Variants in ELL observed in about 807,000 individuals in gnomAD.
The protein encoded by ELL is elongation factor for RNA polymerase II, also known as RNA polymerase II elongation factor ELL.
A neutral mutation model predicts 64.0 loss-of-function variants in ELL; 18 were observed. That is an observed-to-expected ratio of 0.28 (90% confidence interval 0.19 to 0.42). The LOEUF is 0.42. Ranked by LOEUF, ELL falls within the 10% of genes least tolerant of loss-of-function variation. The pLI is 1.00. For missense variants in ELL, 797 were observed against 870.4 expected (o/e 0.92, Z 1.06); for synonymous variants, 399 against 376.2 (o/e 1.06, Z -0.70).
chr19:18,467,933 A>C (rs192659282), intron 2 of ELL, among the ~76,000 whole-genome samples: 229 of 136,346 alleles, frequency 1.7e-3, no homozygotes, highest in African/African-American at 6.0e-3. Context: ...CCATACACAC[A>C]CAATACCCAA....
At position 18,465,567 on chromosome 19, in the gene ELL, TC is replaced by T; in HGVS notation, c.313del (p.Glu105LysfsTer92). The T allele has an allele frequency of 1.3e-6, 2 of 1,590,696 alleles. No individual in the cohort carries two copies. The highest frequency in any genetic ancestry group is 2.3e-5 in the East Asian group (1 of 43,948). On this transcript the variant is annotated frameshift_variant, in exon 4 of 12. Coordinates refer to ENST00000262809, the MANE Select transcript of ELL (RefSeq NM_006532.4). LOFTEE classifies it high-confidence loss of function. The part of the protein sequence containing the change: ...CIQQYVSSHG[E>X]VHLDCLGSIQ... Reference sequence around the variant, plus strand: ...GCTGCCCAGGCAGTCCAGGTGAACTTCCCCATGACTGCAAGACAAGGCCAGG... The same window carrying T: ...GCTGCCCAGGCAGTCCAGGTGAACTTCCCATGACTGCAAGACAAGGCCAGG...
chr19:18,451,102 C>A, intron 7 of ELL, 127 bp from the exon 8 acceptor site: 2 of 1,313,332 alleles, frequency 1.5e-6, no homozygotes, highest in South Asian at 1.9e-5. Flanking sequence ...TGGGGGCGCC[C>A]GAGCACCAAG....
At chr19:18,473,264 G>C (rs764148200) in intron 1 of ELL, 1 of 517,820 alleles carries the variant, frequency 1.9e-6, no homozygotes, top group South Asian at 1.5e-5. Context: ...AGCCCTGCCA[G>C]GAAAAAGCAA....
rs566965948 is a variant in ELL at position 18,445,155 on chromosome 19, C to T, written c.1749+69G>A. The stretch of plus-strand genomic sequence containing the variant: ...GAAGTAGCGGGCAGGGAGGCTGCCC[C>T]GGGCCCACCCTCCTCCCTCCAGCTC... On this transcript the variant is annotated intron_variant, in intron 11 of 11. Coordinates refer to ENST00000262809, the MANE Select transcript of ELL (RefSeq NM_006532.4). The T allele has an allele frequency of 2.5e-5, 40 of 1,596,716 alleles. 1 individual carries two copies. The highest frequency in any genetic ancestry group is 2.3e-4 in the South Asian group (21 of 90,684).
intron 1 of ELL, among the ~76,000 whole-genome samples, chr19:18,521,679 G>A (rs927477783): frequency 4.2e-5 from 6 of 141,768 alleles, no homozygotes; most frequent in Non-Finnish European, 7.4e-5. Context: ...CCCGGCGCGC[G>A]AGTCTGGGCC....
chr19:18,479,557 A>C (rs1467264912), intron 1 of ELL, among the ~76,000 whole-genome samples: 1 of 151,744 alleles, frequency 6.6e-6, no homozygotes, highest in Non-Finnish European at 1.5e-5. Flanking sequence ...AAAAATACAA[A>C]AATTAGCCAG....
At position 18,459,137 on chromosome 19, in the gene ELL, C is replaced by T. The variant is rs536884665; in HGVS notation, c.745-808G>A. 2.6e-5 allele frequency among the ~76,000 whole-genome samples: 4 copies of T among 152,332 alleles called. No homozygotes were observed. The East Asian group carries it at 7.7e-4, about 29-fold the overall frequency. On this transcript the variant is annotated intron_variant, in intron 5 of 11. Transcript: ENST00000262809. ...TCAAGGATCCTCCCACCTCAGCCTC[C>T]CAAAGTGCTGGAAACAGGCGTGAGC...
intron 1 of ELL, among the ~76,000 whole-genome samples, chr19:18,509,605 A>G (rs1313421878): frequency 0.18 from 5,443 of 30,236 alleles, 323 homozygotes; most frequent in African/African-American, 0.45. Flanking sequence ...ACATACACAC[A>G]CACACACACA....
At chr19:18,494,685 ACC>A (rs936516086) in intron 1 of ELL, among the ~76,000 whole-genome samples, 16 of 152,078 alleles carry the variant, frequency 1.1e-4, no homozygotes, top group Admixed American at 3.3e-4. Flanking sequence ...GAGCCACCGC[ACC>A]AGGCCAGAAG....
intron 1 of ELL, among the ~76,000 whole-genome samples, chr19:18,499,956 ATT>A (rs1224479838): frequency 6.6e-6 from 1 of 152,184 alleles, no homozygotes; most frequent in African/African-American, 2.4e-5. Context: ...GAGCAAACCC[ATT>A]AAGTGCTTAA....
At chr19:18,491,208 A>C (rs1975524901) in intron 1 of ELL, among the ~76,000 whole-genome samples, 1 of 141,436 alleles carries the variant, frequency 7.1e-6, no homozygotes, top group Admixed American at 7.7e-5. Context: ...TCAGCCTCCC[A>C]AGTAGCTGGG....
At chr19:18,518,328 C>T (rs901705454) in intron 1 of ELL, among the ~76,000 whole-genome samples, 2 of 151,312 alleles carry the variant, frequency 1.3e-5, no homozygotes, top group South Asian at 4.2e-4. Flanking sequence ...AGTGAGACCC[C>T]GTCTCTACAA....
chr19:18,519,243 AAAG>A (rs1326739432), intron 1 of ELL, among the ~76,000 whole-genome samples: 1 of 152,072 alleles, frequency 6.6e-6, no homozygotes, highest in African/African-American at 2.4e-5. Flanking sequence ...AAAAAAAAAA[AAAG>A]AAATTAAAAA....
At position 18,501,481 on chromosome 19, in the gene ELL, TCTTC is replaced by T. The variant is rs1279044530; in HGVS notation, c.135+20436_135+20439del. On this transcript the variant is annotated intron_variant, in intron 1 of 11. Coordinates refer to ENST00000262809, the MANE Select transcript of ELL (RefSeq NM_006532.4). This position sits in a 1 kb window ranked among gnomAD's most constrained non-coding sequence, Gnocchi z 4.5. The stretch of plus-strand genomic sequence containing the variant: ...AACGTGCCTCACACTTCAAGGCAGC[TCTTC>T]CAGGCCAGCCGGGGCCTTGGAGTGA... Among the ~76,000 whole-genome samples, 1 of 152,198 alleles carries T rather than the reference TCTTC, an allele frequency of 6.6e-6. No homozygotes were observed. The highest frequency in any genetic ancestry group is 2.4e-5 in the African/African-American group (1 of 41,460).
At chr19:18,503,325 G>A (rs982169902) in intron 1 of ELL, among the ~76,000 whole-genome samples, 1 of 152,192 alleles carries the variant, frequency 6.6e-6, no homozygotes, top group Non-Finnish European at 1.5e-5. Context: ...TCTTATTTCT[G>A]GAAAAGGCAA....
At chr19:18,510,329 C>A (rs1178809399) in intron 1 of ELL, among the ~76,000 whole-genome samples, 3 of 152,220 alleles carry the variant, frequency 2.0e-5, no homozygotes, top group Non-Finnish European at 2.9e-5. Flanking sequence ...AAGAATCACA[C>A]CACTGCACAC....
At chr19:18,461,505 C>A in intron 5 of ELL, 73 bp downstream of exon 5, 1 of 1,536,376 alleles carries the variant, frequency 6.5e-7, no homozygotes, top group Non-Finnish European at 8.7e-7. Context: ...TCTCCATGCT[C>A]TGGCCCATCC....
chr19:18,472,882 C>T lies in ELL; in HGVS notation c.136G>A (p.Asp46Asn). ...ATAGATGGCCTCAGTGAAACAGAAT[C>T]CTATAAAAAAAAAAAAAAAAAAAAA... ...RAFESYRARQ[D>N]SVSLRPSIRF... The change falls in exon 2 of 12, where the codon GAT (aspartate) becomes AAT (asparagine). Residue 46 changes from aspartate (D) to asparagine (N), a missense_variant and splice_region_variant. Transcript: ENST00000262809. 1 of 1,253,464 alleles carries T rather than the reference C, an allele frequency of 8.0e-7. No homozygotes were observed. The highest frequency in any genetic ancestry group is 1.1e-6 in the Non-Finnish European group (1 of 930,716). 77.6% of individuals were successfully genotyped at this position (1,253,464 alleles called of 1,614,324 possible). A position where few individuals can be genotyped will look rare whatever the true frequency, so the allele number is the denominator to read the frequency against.
intron 1 of ELL, among the ~76,000 whole-genome samples, chr19:18,504,975 T>A (rs1404049064): frequency 6.6e-6 from 1 of 152,172 alleles, no homozygotes; most frequent in East Asian, 1.9e-4. Context: ...AGGAAAAAAC[T>A]CTTGCCTTGT....
Sources: allele counts gnomAD v4.1 joint callset (sites outside exome capture counted in the v4.1 genomes callset), GRCh38; gene constraint gnomAD v4.1.1; non-coding constraint Gnocchi (gnomAD v3.1); transcripts MANE v1.5; gene names NCBI Gene and HGNC (gene_info 2026-07-23, HGNC 2026-07-21).